The following MAML3 variants were observed in gnomAD, a reference collection of about 807,000 sequenced individuals.
MAML3 encodes mastermind like transcriptional coactivator 3.
A neutral mutation model predicts 101.9 loss-of-function variants in MAML3; 27 were observed. The observed-to-expected ratio is 0.27, with a 90% CI of 0.20 to 0.37. MAML3 has a LOEUF of 0.37. Among genes scored for constraint, MAML3 ranks in the 10% least tolerant of loss-of-function variants. The probability of loss-of-function intolerance (pLI) is 1.00; values close to 1 mark genes in which losing one functional copy is unlikely to be tolerated. For missense variants in MAML3, 1,316 were observed against 1,444.9 expected, an observed-to-expected ratio of 0.91 and a Z score of 1.45; for synonymous variants, 501 against 555.9, an observed-to-expected ratio of 0.90 and a Z score of 1.39.
At chr4:139,759,749 T>G (rs1729717649) in intron 2 of MAML3, among the ~76,000 whole-genome samples, 1 of 152,248 alleles carries the variant, frequency 6.6e-6, no homozygotes, top group Non-Finnish European at 1.5e-5. Flanking sequence ...TTTTTGCATC[T>G]GTGGTTATGG....
chr4:140,046,534 A>G (rs923043489), intron 1 of MAML3, among the ~76,000 whole-genome samples: 1 of 152,186 alleles, frequency 6.6e-6, no homozygotes, highest in Admixed American at 6.5e-5. Flanking sequence ...CTCTACACAT[A>G]CAGTTTGAAA....
intron 1 of MAML3, among the ~76,000 whole-genome samples, chr4:140,137,414 T>C (rs903342329): frequency 1.3e-5 from 2 of 152,226 alleles, no homozygotes; most frequent in Non-Finnish European, 2.9e-5. Flanking sequence ...ATTTTCTTTC[T>C]AGATAATTTT....
At chr4:139,751,908 T>C (rs1729517115) in intron 2 of MAML3, among the ~76,000 whole-genome samples, 1 of 152,150 alleles carries the variant, frequency 6.6e-6, no homozygotes, top group South Asian at 2.1e-4. Flanking sequence ...TAAAGAAAGG[T>C]ACACATTCAA....
intron 2 of MAML3, among the ~76,000 whole-genome samples, chr4:139,847,232 TA>T (rs1731466789): frequency 6.6e-6 from 1 of 152,064 alleles, no homozygotes; most frequent in African/African-American, 2.4e-5. Context: ...AACAAAAATA[TA>T]TATATGGTTC....
intron 1 of MAML3, among the ~76,000 whole-genome samples, chr4:140,124,914 A>G (rs1388769876): frequency 6.6e-6 from 1 of 152,262 alleles, no homozygotes; most frequent in African/African-American, 2.4e-5. Context: ...GCAAATACCC[A>G]GATGATAGAG....
At chr4:139,977,442 T>A (rs1295881353) in intron 1 of MAML3, among the ~76,000 whole-genome samples, 1 of 152,194 alleles carries the variant, frequency 6.6e-6, no homozygotes, top group African/African-American at 2.4e-5. Context: ...GTCCTTCACA[T>A]AAGACTAAGG....
intron 1 of MAML3, among the ~76,000 whole-genome samples, chr4:140,143,277 G>A (rs1169628813): frequency 6.6e-6 from 1 of 152,192 alleles, no homozygotes; most frequent in Non-Finnish European, 1.5e-5. Flanking sequence ...ACATGTTCAG[G>A]AGACGTTGGC....
chr4:140,071,050 C>A (rs1370342306), intron 1 of MAML3, among the ~76,000 whole-genome samples: 3 of 152,222 alleles, frequency 2.0e-5, no homozygotes, highest in African/African-American at 7.2e-5. Context: ...CTGCCCTGAA[C>A]TCCAGCTTCC....
intron 1 of MAML3, among the ~76,000 whole-genome samples, chr4:140,120,178 A>G (rs1481895111): frequency 3.3e-5 from 5 of 149,270 alleles, no homozygotes; most frequent in South Asian, 2.1e-4. Flanking sequence ...CGGAGCTTGC[A>G]GTGAGCCAAG....
intron 1 of MAML3, among the ~76,000 whole-genome samples, chr4:139,985,221 A>G (rs1263021882): frequency 2.0e-5 from 3 of 152,218 alleles, no homozygotes; most frequent in Non-Finnish European, 4.4e-5. Context: ...GCACAGCACA[A>G]GCCAAGTCTA....
At chr4:140,134,184 A>C (rs549390623) in intron 1 of MAML3, 1 of 456,744 alleles carries the variant, frequency 2.2e-6, no homozygotes, top group East Asian at 7.0e-5. Flanking sequence ...TAAAGGGAGA[A>C]TATGTAGATT....
rs115675376 is a variant in MAML3, at chr4:140,105,763, C to T, written c.468+47097G>A. Among the ~76,000 whole-genome samples, 676 of 152,246 alleles carry T rather than the reference C, an allele frequency of 4.4e-3. 5 individuals are homozygous for T. The highest frequency in any genetic ancestry group is 0.016 in the African/African-American group (649 of 41,528). Reference sequence around the variant, plus strand: ...CCTCTTCCCCAGTCTGGTCAATACACCCATCACACATCAATCAAGTGATGG... The same window carrying T: ...CCTCTTCCCCAGTCTGGTCAATACATCCATCACACATCAATCAAGTGATGG... On this transcript the variant is annotated intron_variant, in intron 1 of 4. Coordinates refer to ENST00000509479, the MANE Select transcript of MAML3 (RefSeq NM_018717.5).
chr4:140,149,195 A>G (rs765391684), intron 1 of MAML3, among the ~76,000 whole-genome samples: 3 of 152,200 alleles, frequency 2.0e-5, no homozygotes, highest in Non-Finnish European at 2.9e-5. Context: ...GAAGTCAATA[A>G]TTTTCACCAA....
chr4:140,005,025 C>G (rs1259572228), intron 1 of MAML3, among the ~76,000 whole-genome samples: 1 of 152,160 alleles, frequency 6.6e-6, no homozygotes, highest in Non-Finnish European at 1.5e-5. Flanking sequence ...AAAATCTGTA[C>G]TTCAAAAAAC....
chr4:139,916,570 T>A (rs2111229575), intron 1 of MAML3, among the ~76,000 whole-genome samples: 1 of 152,356 alleles, frequency 6.6e-6, no homozygotes, highest in South Asian at 2.1e-4. Flanking sequence ...CTCGTAAGCA[T>A]GTATGCTGTG....
At chr4:139,790,216 CATATAT>C (rs367675413) in intron 2 of MAML3, among the ~76,000 whole-genome samples, 16 of 110,258 alleles carry the variant, frequency 1.5e-4, no homozygotes, top group African/African-American at 3.3e-4. Flanking sequence ...ACCCTAGTGA[CATATAT>C]ATATATATAT....
intron 1 of MAML3, among the ~76,000 whole-genome samples, chr4:139,960,683 C>G (rs772692999): frequency 2.0e-5 from 3 of 152,188 alleles, no homozygotes; most frequent in Non-Finnish European, 2.9e-5. Context: ...AATCCCCAGA[C>G]TTCTGTTCCT....
Position 139,717,558 on chromosome 4 carries a change from A to G in MAML3, c.*1765T>C, listed in dbSNP as rs1158336917. ...ATCCTGCCCCTTCCTGAGCAGCTCTACAACCCCGGGTACGCGGAGAGCAAG... is the reference window on the plus strand; with the variant it reads ...ATCCTGCCCCTTCCTGAGCAGCTCTGCAACCCCGGGTACGCGGAGAGCAAG... On this transcript the variant is annotated 3_prime_UTR_variant, in exon 5 of 5. Transcript: ENST00000509479. The G allele has an allele frequency of 6.6e-6, 1 of 152,166 alleles. No homozygotes were observed. The highest frequency in any genetic ancestry group is 2.4e-5 in the African/African-American group (1 of 41,416). The allele number at this position is 152,166 out of a possible 1,614,324, so 9.4% of individuals were successfully genotyped here.
chr4:140,026,166 C>T (rs567031525), intron 1 of MAML3, among the ~76,000 whole-genome samples: 5 of 152,100 alleles, frequency 3.3e-5, no homozygotes, highest in African/African-American at 1.2e-4. Context: ...CCTTAAGTGC[C>T]TTATTAGAGG....
Sources: gnomAD v4.1 joint callset for allele counts (sites outside exome capture counted in the v4.1 genomes callset) on GRCh38, gnomAD v4.1.1 for gene constraint, MANE v1.5 for transcripts, NCBI Gene and HGNC (gene_info 2026-07-23, HGNC 2026-07-21) for gene names.